EVPL: variants seen among roughly 807,000 people sequenced by gnomAD.
The protein encoded by EVPL is 210 kDa cornified envelope precursor protein.
In EVPL, 94 loss-of-function variants were observed where a neutral mutation model predicts 129.7. That is an observed-to-expected ratio of 0.72 (90% CI 0.61 to 0.86). The LOEUF (loss-of-function observed/expected upper bound fraction) is 0.86, where lower values mean the gene tolerates loss of function less well. EVPL is among the 40% of genes least tolerant of loss of function. The probability of loss-of-function intolerance (pLI) is 0.00; values close to 1 mark genes in which losing one functional copy is unlikely to be tolerated. For missense variants in EVPL, 2,625 were observed against 2,721.1 expected (o/e 0.96, Z 0.79); for synonymous variants, 1,172 against 1,191.1 (o/e 0.98, Z 0.33).
rs747592946 is a variant in EVPL at position 76,009,428 on chromosome 17, C to A, written c.3777G>T (p.Arg1259Ser). The A allele has an allele frequency of 1.2e-6, 2 of 1,613,874 alleles. No homozygotes were observed. Among genetic ancestry groups the A allele is most frequent in the Non-Finnish European group, 1.7e-6 (2 of 1,179,980 alleles). Residue 1259 changes from arginine (R) to serine (S), a missense_variant, in exon 22 of 22, where the codon AGG becomes AGT. Around this residue, in one of 4 missense-constraint regions of EVPL, gnomAD observed 1,453 missense variants for 1,511.8 expected, o/e 0.96. Transcript: ENST00000301607. The surrounding 1 kb of genome is among the most constrained non-coding windows in gnomAD (Gnocchi z 5.9). Reference protein sequence around the residue: ...EYKEVTQEVVRHERSPEVLRE... With the variant: ...EYKEVTQEVVSHERSPEVLRE... ...GCAGCACCTCGGGGCTCCTCTCATG[C>A]CTCACCACCTCCTGGGTCACCTCCT...
At position 76,019,642 on chromosome 17, in the gene EVPL, C is replaced by A. The variant is rs1459894894; in HGVS notation, c.1023G>T (p.Glu341Asp). Residue 341 changes from glutamate (E) to aspartate (D), a missense_variant, in exon 10 of 22, where the codon GAG (glutamate) becomes GAT (aspartate). Physicochemically the swap from Glu to Asp is conservative, Grantham distance 45. This residue lies in a region of EVPL where 1,024 missense variants were observed against 997.5 expected (regional missense o/e 1.03). Transcript: ENST00000301607. ...HVEDYRRFQE[E>D]ADSVSQTLAK... ...CCAGGGTCTGGCTGACTGAGTCGGC[C>A]TCTTCCTGGAACTGAGTTCACTGGG... is the stretch of plus-strand genomic sequence containing the variant. 6.2e-7 allele frequency: 1 copy of A among 1,611,004 alleles called. No homozygotes were observed. The highest frequency in any genetic ancestry group is 8.5e-7 in the Non-Finnish European group (1 of 1,178,666).
intron 13 of EVPL, 77 bp downstream of exon 13, chr17:76,018,084 C>T (rs2066430527): frequency 6.5e-7 from 1 of 1,540,434 alleles, no homozygotes; most frequent in Non-Finnish European, 8.8e-7. Flanking sequence ...CGACCCCTGC[C>T]CATCACAGAC....
Position 76,021,910 on chromosome 17 carries a change from C to T in EVPL, c.764G>A (p.Ser255Asn). The stretch of plus-strand genomic sequence containing the variant: ...GCCCGCAGGGTCGGCCATGAGGTCG[C>T]TCCAGTCCTGCTGCAGGATGCGGCG... ...QQRRILQQDW[S>N]DLMADPAGVR... Residue 255 changes from serine (S) to asparagine (N), a missense_variant, in exon 7 of 22, where the codon AGC becomes AAC. By Grantham distance (46) the Ser-to-Asn change is conservative. This residue lies in a region of EVPL where 1,024 missense variants were observed against 997.5 expected (regional missense o/e 1.03). Transcript: ENST00000301607. 6.4e-7 allele frequency: 1 copy of T among 1,561,528 alleles called. No individual in the cohort carries two copies. Among genetic ancestry groups the T allele is most frequent in the East Asian group, 2.4e-5 (1 of 42,234 alleles).
At position 76,006,866 on chromosome 17, in the gene EVPL, T is replaced by G; in HGVS notation, c.*237A>C. On this transcript the variant is annotated 3_prime_UTR_variant, in exon 22 of 22. Transcript: ENST00000301607. ...CATGGCACGGGGAGACAGAATTCGT[T>G]TATTGGGATCACTGGGTGGAGGTGG... 3.1e-5 allele frequency: 12 copies of G among 390,220 alleles called. No individual in the cohort carries two copies. Among genetic ancestry groups the G allele is most frequent in the Non-Finnish European group, 4.0e-5 (9 of 223,266 alleles). The allele number at this position is 390,220 out of a possible 1,614,324, so 24.2% of individuals were successfully genotyped here. A position where few individuals can be genotyped will look rare whatever the true frequency, so the allele number is the denominator to read the frequency against.
At chr17:76,021,596 G>GCACCCCCCCCCCCC (rs2066458409) in intron 8 of EVPL, 33 bp from the exon 9 acceptor site, 1 of 1,299,620 alleles carries the variant, frequency 7.7e-7, no homozygotes, top group Non-Finnish European at 1.0e-6. Context: ...CTCGGACCAC[G>GCACCCCCCCCCCCC]CCCCCCCCAC....
At position 76,009,702 on chromosome 17, in the gene EVPL, GTC is replaced by G. The variant is rs1567908051; in HGVS notation, c.3501_3502del (p.Thr1168AlafsTer93). The G allele has an allele frequency of 6.2e-7, 1 of 1,613,472 alleles. No homozygotes were observed. Among genetic ancestry groups the G allele is most frequent in the Admixed American group, 1.7e-5 (1 of 60,016 alleles). On this transcript the variant is annotated frameshift_variant, in exon 22 of 22. Coordinates refer to ENST00000301607, the MANE Select transcript of EVPL (RefSeq NM_001988.4). LOFTEE classifies it low-confidence loss of function (END_TRUNC). This position sits in a 1 kb window ranked among gnomAD's most constrained non-coding sequence, Gnocchi z 5.9. ...CAGGTCGCTCAGCTCCCTGGCCAGCGTCGCGTTCTTGGTCCTCTCCTCCTCGA... is the reference window on the plus strand; with the variant it reads ...CAGGTCGCTCAGCTCCCTGGCCAGCGGCGTTCTTGGTCCTCTCCTCCTCGA...
At position 76,009,155 on chromosome 17, in the gene EVPL, CG is replaced by C; in HGVS notation, c.4049del (p.Ala1350GlyfsTer42). On this transcript the variant is annotated frameshift_variant, in exon 22 of 22. Coordinates refer to ENST00000301607, the MANE Select transcript of EVPL (RefSeq NM_001988.4). LOFTEE classifies it low-confidence loss of function (END_TRUNC). The surrounding 1 kb of genome is among the most constrained non-coding windows in gnomAD (Gnocchi z 5.9). ...GGCGCTTGCTCTGCAGCTCGTACACCGCGTCCTCCGCGGCCCGCCTCTTCTG... is the reference window on the plus strand; with the variant it reads ...GGCGCTTGCTCTGCAGCTCGTACACCCGTCCTCCGCGGCCCGCCTCTTCTG... ...AAQKRRAAED[A>X]VYELQSKRLL... 4 of 1,609,240 alleles carry C rather than the reference CG, an allele frequency of 2.5e-6. No homozygotes were observed. The highest frequency in any genetic ancestry group is 3.4e-6 in the Non-Finnish European group (4 of 1,179,820).
chr17:76,009,776 C>T lies in EVPL; in HGVS notation c.3429G>A (p.Glu1143=), dbSNP rs1252580321. Residue 1143 remains glutamate, a synonymous_variant, in exon 22 of 22, where the codon GAG becomes GAA. Transcript: ENST00000301607. This position sits in a 1 kb window ranked among gnomAD's most constrained non-coding sequence, Gnocchi z 5.9. ...KVIVKEVKKV[E]QDPGLLQESS... is the part of the protein sequence containing the mutation. ...ACTCCTGGAGGAGCCCTGGGTCCTGCTCCACCTTCTTCACCTCCTTCACGA... is the reference window on the plus strand; with the variant it reads ...ACTCCTGGAGGAGCCCTGGGTCCTGTTCCACCTTCTTCACCTCCTTCACGA... 6.2e-7 allele frequency: 1 copy of T among 1,613,872 alleles called. No homozygotes were observed. The highest frequency in any genetic ancestry group is 8.5e-7 in the Non-Finnish European group (1 of 1,180,006).
Position 76,009,702 on chromosome 17 carries a change from G to C in EVPL, c.3503C>G (p.Thr1168Arg). Residue 1168 changes from threonine (T) to arginine (R), a missense_variant, in exon 22 of 22, where the codon ACG becomes AGG. Transcript: ENST00000301607. This position sits in a 1 kb window ranked among gnomAD's most constrained non-coding sequence, Gnocchi z 5.9. ...LLEEERTKNA[T>R]LARELSDLHS... ...CAGGTCGCTCAGCTCCCTGGCCAGC[G>C]TCGCGTTCTTGGTCCTCTCCTCCTC... is the stretch of plus-strand genomic sequence containing the variant. 1 of 1,613,472 alleles carries C rather than the reference G, an allele frequency of 6.2e-7. No homozygotes were observed.
rs201273707 is a variant in EVPL, at chr17:76,010,342, C to T, written c.2863G>A (p.Glu955Lys). The change falls in exon 22 of 22, where the codon GAG becomes AAG. Residue 955 changes from glutamate to lysine, a missense_variant. Transcript: ENST00000301607. ...LRTQRPLERLEEKEVVEFYRD... is the reference protein window; with the variant it reads ...LRTQRPLERLKEKEVVEFYRD... ...TAGAACTCTACCACTTCCTTCTCCT[C>T]CAGCCTCTCCAAGGGCCGCTGGGTC... 27 of 1,613,984 alleles carry T rather than the reference C, an allele frequency of 1.7e-5. No individual in the cohort carries two copies. The highest frequency in any genetic ancestry group is 1.1e-5 in the Non-Finnish European group (13 of 1,180,018).
At chr17:76,011,508 G>A (rs2066376049) in intron 21 of EVPL, 68 bp downstream of exon 21, 1 of 1,352,444 alleles carries the variant, frequency 7.4e-7, no homozygotes, top group African/African-American at 1.4e-5. Context: ...CTGGCATTTT[G>A]GGAATGGAGT....
chr17:76,017,479 T>C (rs758575768), intron 14 of EVPL, among the ~76,000 whole-genome samples: 2 of 152,148 alleles, frequency 1.3e-5, no homozygotes, highest in Non-Finnish European at 2.9e-5. Flanking sequence ...CCTTCCTGAA[T>C]GATCAGGCGA....
At position 76,022,103 on chromosome 17, in the gene EVPL, G is replaced by T; in HGVS notation, c.646-75C>A. 2 of 1,585,994 alleles carry T rather than the reference G, an allele frequency of 1.3e-6. No homozygotes were observed. The highest frequency in any genetic ancestry group is 1.1e-5 in the South Asian group (1 of 88,390). ...GGGGCAAAAGGCGCCATTGGGCCGC[G>T]CTCAGGAACACTGGCCCCGGGCAGG... On this transcript the variant is annotated intron_variant, in intron 6 of 21. Coordinates refer to ENST00000301607, the MANE Select transcript of EVPL (RefSeq NM_001988.4). The surrounding 1 kb of genome is among the most constrained non-coding windows in gnomAD (Gnocchi z 5.6).
At chr17:76,015,389 A>T in intron 15 of EVPL, 24 bp from the exon 16 acceptor site, 1 of 1,603,322 alleles carries the variant, frequency 6.2e-7, no homozygotes, top group South Asian at 1.1e-5. Flanking sequence ...GGCAAGGCTC[A>T]GACACTCCCT....
At position 76,027,179 on chromosome 17, in the gene EVPL, T is replaced by C. The variant is rs1200707371; in HGVS notation, c.20A>G (p.Lys7Arg). Residue 7 changes from lysine to arginine, a missense_variant, in exon 1 of 22, where the codon AAA (lysine) becomes AGA (arginine). Physicochemically the swap from Lys to Arg is conservative, Grantham distance 26. This residue lies in a region of EVPL where 139 missense variants were observed against 186.8 expected (regional missense o/e 0.74). Transcript: ENST00000301607. ...GGGGGACCCCTTCCCCTGGGAGCCT[T>C]TGCTCAGCCCCTTGAACATGGTCGT... MFKGLSKGSQGKGSPKG... is the reference protein window; with the variant it reads MFKGLSRGSQGKGSPKG... 2.5e-6 allele frequency: 4 copies of C among 1,595,462 alleles called. No individual in the cohort carries two copies. Among genetic ancestry groups the C allele is most frequent in the African/African-American group, 1.4e-5 (1 of 73,684 alleles).
At position 76,009,210 on chromosome 17, in the gene EVPL, C is replaced by T. The variant is rs770269693; in HGVS notation, c.3995G>A (p.Arg1332Gln). The change falls in exon 22 of 22, where the codon CGG becomes CAG. Residue 1332 changes from arginine to glutamine, a missense_variant. Arg to Gln is a conservative substitution (Grantham distance 43). Transcript: ENST00000301607. This position sits in a 1 kb window ranked among gnomAD's most constrained non-coding sequence, Gnocchi z 5.9. ...CGCCTCCCGCACCTCCTGGCGGAGC[C>T]GCTCTGCTTCTTTCTCCAGCACCGG... ...KDPVLEKEAE[R>Q]LRQEVREAAQ... 34 of 1,608,986 alleles carry T rather than the reference C, an allele frequency of 2.1e-5. No individual in the cohort carries two copies. In the South Asian group the frequency reaches 3.0e-4, roughly 14 times the overall value.
chr17:76,016,004 C>T lies in EVPL; in HGVS notation c.1711-376G>A, dbSNP rs757155950. On this transcript the variant is annotated intron_variant, in intron 14 of 21. Transcript: ENST00000301607. ...ACTAAAAATACAAAAATTAGCCGGC[C>T]GTAGCAGCGCGCACCTGCAATCCCA... Among the ~76,000 whole-genome samples, 6 of 152,168 alleles carry T rather than the reference C, an allele frequency of 3.9e-5. No individual in the cohort carries two copies. In the East Asian group the frequency reaches 7.7e-4, roughly 20 times the overall value.
Position 76,010,077 on chromosome 17 carries a change from CGGAGCTGCT to C in EVPL, c.3119_3127del (p.Gln1040_Leu1042del). The C allele has an allele frequency of 6.2e-7, 1 of 1,613,674 alleles. No individual in the cohort carries two copies. The highest frequency in any genetic ancestry group is 8.5e-7 in the Non-Finnish European group (1 of 1,180,024). On this transcript the variant is annotated inframe_deletion, in exon 22 of 22. Coordinates refer to ENST00000301607, the MANE Select transcript of EVPL (RefSeq NM_001988.4). The stretch of plus-strand genomic sequence containing the variant: ...GGCCGAGATGACGGCATCCTCCCCG[CGGAGCTGCT>C]GGATCTGGATCCTGAGCTGGGCCGC...
At chr17:76,014,802 A>G in intron 17 of EVPL, 114 bp downstream of exon 17, 3 of 1,215,662 alleles carry the variant, frequency 2.5e-6, no homozygotes, top group Non-Finnish European at 3.4e-6. Context: ...TTTAGAGATG[A>G]GGAAACAGCT....
Sources: allele counts gnomAD v4.1 joint callset (sites outside exome capture counted in the v4.1 genomes callset), GRCh38; gene constraint gnomAD v4.1.1; regional missense constraint gnomAD v4.1.1; non-coding constraint Gnocchi (gnomAD v3.1); transcripts MANE v1.5; gene names NCBI Gene and HGNC (gene_info 2026-07-23, HGNC 2026-07-21).